ANKRD16: variants seen among roughly 807,000 people sequenced by gnomAD.
The protein encoded by ANKRD16 is ankyrin repeat domain 16, also known as ankyrin repeat domain-containing protein 16.
ANKRD16 carries 35 observed loss-of-function variants against 37.9 expected under a neutral mutation model. The ratio of observed to expected loss-of-function variants is 0.92; its 90% CI spans 0.71 to 1.23. ANKRD16 has a LOEUF of 1.23. Ranked by LOEUF, ANKRD16 falls within the 50% of genes most tolerant of loss-of-function variation. The pLI is 0.00. For synonymous variants in ANKRD16, 206 were observed against 197.2 expected (o/e 1.04, Z -0.37); for missense variants, 480 against 469.9 (o/e 1.02, Z -0.20).
In ANKRD16 at chr10:5,874,110, C is replaced by T. The variant is rs607728; in HGVS notation, c.*33+3987G>A. 0.39 allele frequency among the ~76,000 whole-genome samples: 59,585 copies of T among 151,992 alleles called. 12,340 individuals carry two copies. Among genetic ancestry groups the T allele is most frequent in the East Asian group, 0.68 (3,514 of 5,160 alleles). ...TTCACCATGTTGGCCAGGATGGTCT[C>T]GATCTCCTGACCTTGTGATCTGCCT... On this transcript the variant is annotated intron_variant, in intron 7 of 7. Transcript: ENST00000380094. The surrounding 1 kb of genome is among the most constrained non-coding windows in gnomAD (Gnocchi z 4.7).
At chr10:5,881,463 T>C (rs1454457886) in intron 5 of ANKRD16, among the ~76,000 whole-genome samples, 1 of 131,154 alleles carries the variant, frequency 7.6e-6, no homozygotes, top group Non-Finnish European at 1.6e-5. Context: ...TATATATATA[T>C]ATATATATAT....
chr10:5,867,109 T>A (rs1029685335), intron 7 of ANKRD16, among the ~76,000 whole-genome samples: 2 of 152,248 alleles, frequency 1.3e-5, no homozygotes, highest in Non-Finnish European at 2.9e-5. Context: ...TGTTACCCTA[T>A]AACACTCCAA....
At chr10:5,881,438 T>TTATAAAAAAATATATA (rs1422263395) in intron 5 of ANKRD16, among the ~76,000 whole-genome samples, 2 of 51,026 alleles carry the variant, frequency 3.9e-5, no homozygotes, top group Non-Finnish European at 7.5e-5. Flanking sequence ...AAAATATTAT[T>TTATAAAAAAATATATA]TATATATATA....
intron 5 of ANKRD16, among the ~76,000 whole-genome samples, chr10:5,881,631 AT>A (rs1256435828): frequency 6.8e-6 from 1 of 147,572 alleles, no homozygotes; most frequent in Admixed American, 6.8e-5. Context: ...CCCCCAGCTA[AT>A]TTTTTTGTAT....
Position 5,883,171 on chromosome 10 carries a change from G to C in ANKRD16, c.688-4C>G. Reference sequence around the variant, plus strand: ...TGTCTTCTGCTGAAAGGCAAGCCTAGTGGGCAGAGGAGAGAAAGGAGCAAA... The same window carrying C: ...TGTCTTCTGCTGAAAGGCAAGCCTACTGGGCAGAGGAGAGAAAGGAGCAAA... On this transcript the variant is annotated splice_region_variant and splice_polypyrimidine_tract_variant and intron_variant, in intron 4 of 7. Coordinates refer to ENST00000380094, the MANE Select transcript of ANKRD16 (RefSeq NM_019046.3). 2 of 1,612,968 alleles carry C rather than the reference G, an allele frequency of 1.2e-6. No homozygotes were observed. The highest frequency in any genetic ancestry group is 1.7e-6 in the Non-Finnish European group (2 of 1,179,712).
chr10:5,878,713 G>A lies in ANKRD16; in HGVS notation c.929-426C>T, dbSNP rs532233176. Among the ~76,000 whole-genome samples the A allele has an allele frequency of 1.1e-4, 17 of 151,568 alleles. No homozygotes were observed. The East Asian group carries it at 2.5e-3, about 23-fold the overall frequency. ...CTCGGGAGGCTGAGGCAGGAAAATC[G>A]CTTGAACCCAGGAGGTGGCGGTTGC... On this transcript the variant is annotated intron_variant, in intron 6 of 7. Coordinates refer to ENST00000380094, the MANE Select transcript of ANKRD16 (RefSeq NM_019046.3). The surrounding 1 kb of genome is among the most constrained non-coding windows in gnomAD (Gnocchi z 5.1).
rs1347047207 is a variant in ANKRD16 at position 5,870,179 on chromosome 10, T to C, written c.*34-7488A>G. ...ATCCACATCCCTCTCCACTGCTTCA[T>C]TTGCAAGCTCCAGGTTCTGCCTTCC... On this transcript the variant is annotated intron_variant, in intron 7 of 7. Transcript: ENST00000380094. The surrounding 1 kb of genome is among the most constrained non-coding windows in gnomAD (Gnocchi z 5.0). 6.6e-6 allele frequency among the ~76,000 whole-genome samples: 1 copy of C among 152,064 alleles called. No homozygotes were observed. Among genetic ancestry groups the C allele is most frequent in the Admixed American group, 6.5e-5 (1 of 15,270 alleles).
At position 5,889,868 on chromosome 10, in the gene ANKRD16, C is replaced by A. The variant is rs965423281; in HGVS notation, c.-514G>T. On this transcript the variant is annotated 5_prime_UTR_variant, in exon 1 of 8. Transcript: ENST00000380094. ...GCAGCCAGGCCCAAGCGTGACCTGCCCCGCACGCGTCCTCAGGGCCGCCCC... is the reference window on the plus strand; with the variant it reads ...GCAGCCAGGCCCAAGCGTGACCTGCACCGCACGCGTCCTCAGGGCCGCCCC... The A allele has an allele frequency of 6.9e-5, 11 of 159,864 alleles. No individual in the cohort carries two copies. The highest frequency in any genetic ancestry group is 2.1e-4 in the African/African-American group (9 of 41,928). 9.9% of individuals were successfully genotyped at this position (159,864 alleles called of 1,614,324 possible). A position where few individuals can be genotyped will look rare whatever the true frequency, so the allele number is the denominator to read the frequency against.
At chr10:5,884,258 G>A (rs1030718891) in intron 3 of ANKRD16, among the ~76,000 whole-genome samples, 181 bp from the exon 4 acceptor site, 1 of 152,206 alleles carries the variant, frequency 6.6e-6, no homozygotes, top group African/African-American at 2.4e-5. Context: ...GGAGCGTGAT[G>A]GTCTTCCCTA....
rs1341949386 is a variant in ANKRD16 at position 5,866,922 on chromosome 10, G to GA, written c.*34-4232dup. ...AAGAAGAGTCAGAGAGAGAGAAACA[G>GA]AAAGTCAAAGAAAGAGAGGGAGAGA... On this transcript the variant is annotated intron_variant, in intron 7 of 7. Coordinates refer to ENST00000380094, the MANE Select transcript of ANKRD16 (RefSeq NM_019046.3). The surrounding 1 kb of genome is among the most constrained non-coding windows in gnomAD (Gnocchi z 4.3). Among the ~76,000 whole-genome samples, 1 of 151,898 alleles carries GA rather than the reference G, an allele frequency of 6.6e-6. No individual in the cohort carries two copies. Among genetic ancestry groups the GA allele is most frequent in the East Asian group, 1.9e-4 (1 of 5,194 alleles).
At position 5,878,168 on chromosome 10, in the gene ANKRD16, C is replaced by G. The variant is rs1435379420; in HGVS notation, c.1048G>C (p.Asp350His). ...TLAQQLPRRA[D>H]VLQGSGHSAM... ...CTATGGCCAGAGCCCTGAAGGACAT[C>G]TGCTCTCCTTGGGAGCTGCTGAGCC... The change falls in exon 7 of 8, where the codon GAT becomes CAT. Residue 350 changes from aspartate to histidine, a missense_variant. Coordinates refer to ENST00000380094, the MANE Select transcript of ANKRD16 (RefSeq NM_019046.3). The surrounding 1 kb of genome is among the most constrained non-coding windows in gnomAD (Gnocchi z 5.1). 1 of 1,614,094 alleles carries G rather than the reference C, an allele frequency of 6.2e-7. No homozygotes were observed. Among genetic ancestry groups the G allele is most frequent in the Non-Finnish European group, 8.5e-7 (1 of 1,180,042 alleles).
chr10:5,877,760 T>C (rs1438752538), intron 7 of ANKRD16, among the ~76,000 whole-genome samples: 2 of 152,252 alleles, frequency 1.3e-5, no homozygotes, highest in African/African-American at 2.4e-5. Context: ...TACTATAAGA[T>C]ATTTCATATG....
rs1842551328 is a variant in ANKRD16, at chr10:5,889,381, G to A, written c.-27C>T. The stretch of plus-strand genomic sequence containing the variant: ...GCCGCGGGTCGGGCCGGGCTGCGCG[G>A]GGAGGCGGCGGGCGGGACACCGGCG... On this transcript the variant is annotated 5_prime_UTR_variant, in exon 1 of 8. Transcript: ENST00000380094. The A allele has an allele frequency of 1.7e-6, 2 of 1,188,388 alleles. No individual in the cohort carries two copies. The allele number at this position is 1,188,388 out of a possible 1,614,324, so 73.6% of individuals were successfully genotyped here. A position where few individuals can be genotyped will look rare whatever the true frequency, so the allele number is the denominator to read the frequency against.
In ANKRD16 at chr10:5,878,200, C is replaced by T; in HGVS notation, c.1016G>A (p.Gly339Asp). ...CCTTGGGAGCTGCTGAGCCAGGGTG[C>T]CCGTGATGTCTTCAGAATCCTTCAG... ...SGLKDSEDIT[G>D]TLAQQLPRRA... Residue 339 changes from glycine to aspartate, a missense_variant, in exon 7 of 8, where the codon GGC becomes GAC. By Grantham distance (94) the Gly-to-Asp change is moderately conservative. Transcript: ENST00000380094. The surrounding 1 kb of genome is among the most constrained non-coding windows in gnomAD (Gnocchi z 5.1). 1 of 1,614,140 alleles carries T rather than the reference C, an allele frequency of 6.2e-7. No homozygotes were observed. The highest frequency in any genetic ancestry group is 8.5e-7 in the Non-Finnish European group (1 of 1,180,016).
intron 3 of ANKRD16, among the ~76,000 whole-genome samples, chr10:5,884,551 T>C (rs1481385367): frequency 6.6e-6 from 1 of 151,950 alleles, no homozygotes; most frequent in East Asian, 1.9e-4. Flanking sequence ...GCCAATGTGG[T>C]GAAACCCCGT....
chr10:5,876,614 C>T (rs1051016175), intron 7 of ANKRD16, among the ~76,000 whole-genome samples: 2 of 152,184 alleles, frequency 1.3e-5, no homozygotes, highest in Non-Finnish European at 2.9e-5. Flanking sequence ...AGGAGTGTTT[C>T]TACCAGAACA....
chr10:5,884,739 T>TAAA (rs34030686), intron 3 of ANKRD16, among the ~76,000 whole-genome samples: 2,720 of 120,040 alleles, frequency 0.023, 72 homozygotes, highest in African/African-American at 0.059. Context: ...TCTCAAAAAC[T>TAAA]AAAAAAAAAA....
At chr10:5,881,438 TTATATATATATATATATATATATATATA>T (rs869185709) in intron 5 of ANKRD16, among the ~76,000 whole-genome samples, 6 of 51,018 alleles carry the variant, frequency 1.2e-4, no homozygotes, top group East Asian at 5.8e-4. Context: ...AAAATATTAT[TTATATATATATATATATATATATATATA>T]TATATATATA....
At position 5,863,972 on chromosome 10, in the gene ANKRD16, GT is replaced by G. The variant is rs1355504235; in HGVS notation, c.*34-1282del. 6.6e-6 allele frequency among the ~76,000 whole-genome samples: 1 copy of G among 152,052 alleles called. No individual in the cohort carries two copies. Among genetic ancestry groups the G allele is most frequent in the Non-Finnish European group, 1.5e-5 (1 of 68,022 alleles). ...AAATGCATCTAAGCCATTGGGACCA[GT>G]TTGACCCACAAACCCTGAAAAAGAG... On this transcript the variant is annotated intron_variant, in intron 7 of 7. Transcript: ENST00000380094. The surrounding 1 kb of genome is among the most constrained non-coding windows in gnomAD (Gnocchi z 4.7).
Sources: gnomAD v4.1 joint callset for allele counts (sites outside exome capture counted in the v4.1 genomes callset) on GRCh38, gnomAD v4.1.1 for gene constraint, Gnocchi (gnomAD v3.1) non-coding constraint, MANE v1.5 for transcripts, NCBI Gene and HGNC (gene_info 2026-07-23, HGNC 2026-07-21) for gene names.